PRKCI: variants seen among roughly 807,000 people sequenced by gnomAD.
PRKCI encodes the protein protein kinase C iota type.
In PRKCI, 43 loss-of-function variants were observed where a neutral mutation model predicts 84.0. The observed-to-expected ratio is 0.51, with a 90% confidence interval of 0.40 to 0.66. PRKCI has a LOEUF of 0.66. PRKCI is among the 30% of genes least tolerant of loss of function. The pLI, the probability that PRKCI is intolerant of heterozygous loss-of-function variation, is 0.00. For missense variants in PRKCI, 459 were observed against 745.6 expected (o/e 0.62, Z 4.48); for synonymous variants, 216 against 234.4 (o/e 0.92, Z 0.72).
At chr3:170,255,206 A>G (rs1733555560) in intron 2 of PRKCI, among the ~76,000 whole-genome samples, 1 of 151,670 alleles carries the variant, frequency 6.6e-6, no homozygotes, top group African/African-American at 2.4e-5. Context: ...GATTACAGGG[A>G]TGCACCACCA....
Position 170,263,752 on chromosome 3 carries a change from G to A in PRKCI, c.364+323G>A, listed in dbSNP as rs116005786. 8.9e-3 allele frequency among the ~76,000 whole-genome samples: 1,348 copies of A among 152,072 alleles called. 14 individuals are homozygous for A. The highest frequency in any genetic ancestry group is 0.029 in the African/African-American group (1,192 of 41,474). ...TTTGAGGCTACAGTGAGCCAAGGTC[G>A]CACTACTTGCACTCTAGTGTGGGTG... On this transcript the variant is annotated intron_variant, in intron 4 of 17. Transcript: ENST00000295797.
intron 17 of PRKCI, among the ~76,000 whole-genome samples, chr3:170,300,683 ATTTT>A (rs201572419): frequency 2.9e-5 from 4 of 138,328 alleles, no homozygotes; most frequent in Non-Finnish European, 4.7e-5. Flanking sequence ...ATTGTCTTGA[ATTTT>A]TTTTTTTTTT....
intron 11 of PRKCI, among the ~76,000 whole-genome samples, chr3:170,282,555 G>C (rs1334854373): frequency 2.6e-5 from 4 of 151,740 alleles, no homozygotes; most frequent in African/African-American, 9.7e-5. Context: ...AAATTTGCTG[G>C]TCGTGGTGGC....
At chr3:170,289,785 A>G (rs906704856) in intron 12 of PRKCI, among the ~76,000 whole-genome samples, 9 of 152,096 alleles carry the variant, frequency 5.9e-5, no homozygotes, top group African/African-American at 1.9e-4. Context: ...GGTGGTGCAT[A>G]TCTGTAATCC....
At chr3:170,284,025 G>A (rs1734315265) in intron 11 of PRKCI, among the ~76,000 whole-genome samples, 2 of 151,744 alleles carry the variant, frequency 1.3e-5, no homozygotes, top group South Asian at 4.2e-4. Flanking sequence ...TAGTCAGCTT[G>A]TAGTATTCTT....
chr3:170,243,729 C>T (rs1361789594), intron 2 of PRKCI, among the ~76,000 whole-genome samples: 1 of 152,136 alleles, frequency 6.6e-6, no homozygotes, highest in East Asian at 1.9e-4. Flanking sequence ...CCTGTTAGTC[C>T]CTGAAAAGTT....
At chr3:170,249,526 CGCCTG>C (rs1733382766) in intron 2 of PRKCI, among the ~76,000 whole-genome samples, 1 of 152,114 alleles carries the variant, frequency 6.6e-6, no homozygotes, top group African/African-American at 2.4e-5. Flanking sequence ...TGGTGGCTCA[CGCCTG>C]TAATCCCAGC....
Position 170,297,372 on chromosome 3 carries a change from C to T in PRKCI, c.1566C>T (p.Phe522=), listed in dbSNP as rs751568855. Residue 522 remains phenylalanine (F), a synonymous_variant, in exon 16 of 18, where the codon TTC becomes TTT. Coordinates refer to ENST00000295797, the MANE Select transcript of PRKCI (RefSeq NM_002740.6). ...GFADIQGHPF[F]RNVDWDMMEQ... ...CTGATATTCAGGGACACCCGTTCTT[C>T]CGAAATGTTGATTGGGATATGGTAT... 1.2e-6 allele frequency: 2 copies of T among 1,612,954 alleles called. No individual in the cohort carries two copies. The highest frequency in any genetic ancestry group is 1.7e-5 in the Admixed American group (1 of 59,998).
intron 2 of PRKCI, among the ~76,000 whole-genome samples, chr3:170,254,078 C>T (rs1210574236): frequency 6.7e-6 from 1 of 148,154 alleles, no homozygotes; most frequent in African/African-American, 2.5e-5. Flanking sequence ...GCCTGGGTGA[C>T]AGAGCAAGAT....
At chr3:170,243,670 C>T (rs973084747) in intron 2 of PRKCI, among the ~76,000 whole-genome samples, 1 of 152,186 alleles carries the variant, frequency 6.6e-6, no homozygotes, top group African/African-American at 2.4e-5. Flanking sequence ...AAGGAATTCA[C>T]AAGGAAGTTG....
chr3:170,284,886 A>G (rs1734334280), intron 12 of PRKCI, among the ~76,000 whole-genome samples: 1 of 152,170 alleles, frequency 6.6e-6, no homozygotes, highest in Admixed American at 6.5e-5. Context: ...AATTGTCTGC[A>G]ATTCCACTAC....
intron 4 of PRKCI, among the ~76,000 whole-genome samples, chr3:170,265,188 CAAAA>C (rs71634708): frequency 8.6e-6 from 1 of 116,446 alleles, no homozygotes; most frequent in Admixed American, 9.0e-5. Context: ...GACTCTGTCT[CAAAA>C]AAAAAAAAAA....
chr3:170,243,460 TG>T (rs1733187373), intron 2 of PRKCI, among the ~76,000 whole-genome samples: 1 of 152,188 alleles, frequency 6.6e-6, no homozygotes, highest in Non-Finnish European at 1.5e-5. Context: ...TAAATAAAGG[TG>T]CTATGAACAG....
intron 3 of PRKCI, among the ~76,000 whole-genome samples, chr3:170,261,047 C>A (rs766501420): frequency 3.9e-5 from 6 of 151,948 alleles, no homozygotes; most frequent in Non-Finnish European, 7.4e-5. Flanking sequence ...GCCTTGACTT[C>A]CCAGGTTCAA....
chr3:170,258,315 C>CT (rs71634462), intron 2 of PRKCI, among the ~76,000 whole-genome samples: 68 of 147,636 alleles, frequency 4.6e-4, no homozygotes, highest in South Asian at 4.6e-3. Flanking sequence ...TAAATGACTT[C>CT]TTTTTTTTTT....
chr3:170,294,070 A>G (rs1262130099), intron 14 of PRKCI, among the ~76,000 whole-genome samples: 2 of 152,196 alleles, frequency 1.3e-5, no homozygotes, highest in Non-Finnish European at 2.9e-5. Flanking sequence ...CATACTCAAA[A>G]TCATAACAGG....
At chr3:170,287,236 T>TG (rs774804303) in intron 12 of PRKCI, among the ~76,000 whole-genome samples, 3 of 151,552 alleles carry the variant, frequency 2.0e-5, no homozygotes, top group Non-Finnish European at 4.4e-5. Context: ...GAGGCTGAGA[T>TG]GGGGGGATCA....
intron 1 of PRKCI, among the ~76,000 whole-genome samples, chr3:170,234,091 T>C (rs1306232641): frequency 7.5e-6 from 1 of 132,590 alleles, no homozygotes; most frequent in Non-Finnish European, 1.5e-5. Flanking sequence ...TGGAGTGCAA[T>C]GGTGTGATTG....
rs373110439 is a variant in PRKCI, at chr3:170,303,295, G to GA, written c.*177dup. 5.9e-3 allele frequency: 2,350 copies of GA among 395,902 alleles called. 45 individuals carry two copies. The highest frequency in any genetic ancestry group is 0.042 in the African/African-American group (2,007 of 47,690). 24.5% of individuals were successfully genotyped at this position (395,902 alleles called of 1,614,324 possible). A position where few individuals can be genotyped will look rare whatever the true frequency, so the allele number is the denominator to read the frequency against. ...TCAATTATTACATCTGTTTTACTAT[G>GA]AAAAAAAAATTAATACTACTAGCTT... On this transcript the variant is annotated 3_prime_UTR_variant, in exon 18 of 18. Coordinates refer to ENST00000295797, the MANE Select transcript of PRKCI (RefSeq NM_002740.6).
Sources: allele counts gnomAD v4.1 joint callset (sites outside exome capture counted in the v4.1 genomes callset), GRCh38; gene constraint gnomAD v4.1.1; transcripts MANE v1.5; gene names NCBI Gene and HGNC (gene_info 2026-07-23, HGNC 2026-07-21).